Variants in SOS1 observed in about 807,000 individuals in gnomAD.
SOS1 encodes son of sevenless homolog 1.
A neutral mutation model predicts 157.6 loss-of-function variants in SOS1; 25 were observed. The observed-to-expected ratio is 0.16, with a 90% confidence interval of 0.12 to 0.22. The LOEUF (loss-of-function observed/expected upper bound fraction) is 0.22. Among genes scored for constraint, SOS1 ranks in the 10% least tolerant of loss-of-function variants. SOS1 has a pLI of 1.00. For synonymous variants in SOS1, 528 were observed against 534.0 expected, an observed-to-expected ratio of 0.99 and a Z score of 0.16; for missense variants, 1,237 against 1,599.1, an observed-to-expected ratio of 0.77 and a Z score of 3.86.
intron 11 of SOS1, among the ~76,000 whole-genome samples, chr2:39,014,501 C>G (rs1302440326): frequency 6.6e-6 from 1 of 151,986 alleles, no homozygotes; most frequent in African/African-American, 2.4e-5. Flanking sequence ...TTTCTTGACT[C>G]TATAAATTTT....
At chr2:39,104,467 G>T (rs975248256) in intron 1 of SOS1, among the ~76,000 whole-genome samples, 2 of 152,138 alleles carry the variant, frequency 1.3e-5, no homozygotes, top group African/African-American at 4.8e-5. Context: ...AGCAAGTGTG[G>T]GCAAGGAGGT....
intron 1 of SOS1, among the ~76,000 whole-genome samples, chr2:39,102,230 A>AAAAAAAAG (rs1553370166): frequency 2.0e-4 from 28 of 142,852 alleles, no homozygotes; most frequent in East Asian, 1.0e-3. Flanking sequence ...AAAAAAAAAA[A>AAAAAAAAG]GTGCCACTTT....
chr2:39,117,183 C>T (rs1185145716), intron 1 of SOS1, among the ~76,000 whole-genome samples: 3 of 152,092 alleles, frequency 2.0e-5, no homozygotes, highest in African/African-American at 4.8e-5. Flanking sequence ...TGCCCACCAC[C>T]ACGCCAGGCT....
chr2:39,056,386 C>T (rs770758391), intron 4 of SOS1, among the ~76,000 whole-genome samples: 44 of 151,826 alleles, frequency 2.9e-4, no homozygotes, highest in Non-Finnish European at 5.1e-4. Flanking sequence ...CACTGCACTC[C>T]AGCCTGGGCG....
chr2:39,038,355 A>C (rs1482393318), intron 6 of SOS1, among the ~76,000 whole-genome samples: 2 of 152,154 alleles, frequency 1.3e-5, no homozygotes, highest in Non-Finnish European at 2.9e-5. Context: ...ATAGGATTAG[A>C]AGTGGAGCCT....
chr2:39,020,234 T>C (rs573421943), intron 10 of SOS1, among the ~76,000 whole-genome samples: 3 of 151,802 alleles, frequency 2.0e-5, no homozygotes, highest in Non-Finnish European at 3.0e-5. Context: ...CTCCATTTTG[T>C]ACATTACTGT....
intron 13 of SOS1, 60 bp from the exon 14 acceptor site, chr2:39,012,408 T>A: frequency 3.8e-6 from 3 of 795,526 alleles, no homozygotes; most frequent in African/African-American, 1.8e-5. Context: ...TTTTATATTT[T>A]AAAAATGGTT....
chr2:39,013,775 C>T, intron 12 of SOS1, 92 bp downstream of exon 12: 5 of 1,086,828 alleles, frequency 4.6e-6, no homozygotes, highest in Non-Finnish European at 7.1e-6. Flanking sequence ...TTATTGTCAC[C>T]CCTCTCCTTG....
chr2:39,023,723 C>T (rs1476534901), intron 9 of SOS1: 6 of 344,050 alleles, frequency 1.7e-5, no homozygotes, highest in African/African-American at 8.6e-5. Flanking sequence ...GACAGAATAA[C>T]GATGCCAACA....
At chr2:39,071,307 G>A (rs75970263) in intron 1 of SOS1, among the ~76,000 whole-genome samples, 61 of 152,206 alleles carry the variant, frequency 4.0e-4, no homozygotes, top group African/African-American at 1.0e-3. Flanking sequence ...AGGAATCTGC[G>A]GAGTACCCTA....
At chr2:39,112,381 T>A (rs994665544) in intron 1 of SOS1, among the ~76,000 whole-genome samples, 7 of 152,200 alleles carry the variant, frequency 4.6e-5, no homozygotes, top group Non-Finnish European at 7.3e-5. Flanking sequence ...CACTGCAGCA[T>A]CAGCCTCCTG....
intron 6 of SOS1, among the ~76,000 whole-genome samples, chr2:39,036,276 T>C (rs1294811848): frequency 1.3e-5 from 2 of 152,132 alleles, no homozygotes; most frequent in Admixed American, 6.5e-5. Flanking sequence ...AGGAGCATAG[T>C]AGAAAAAGGC....
chr2:39,099,269 G>T (rs760642001), intron 1 of SOS1, among the ~76,000 whole-genome samples: 1 of 152,172 alleles, frequency 6.6e-6, no homozygotes, highest in East Asian at 1.9e-4. Context: ...CTATTTAGTC[G>T]TAGAAATGAA....
chr2:39,024,352 A>C (rs1669889392), intron 8 of SOS1, among the ~76,000 whole-genome samples: 1 of 152,194 alleles, frequency 6.6e-6, no homozygotes, highest in Non-Finnish European at 1.5e-5. Context: ...AGCAGTGTTA[A>C]GATGGGTTAT....
Position 39,120,938 on chromosome 2 carries a change from G to C in SOS1, c.-516C>G, listed in dbSNP as rs1471186989. On this transcript the variant is annotated 5_prime_UTR_variant, in exon 1 of 23. Coordinates refer to ENST00000402219, the MANE Select transcript of SOS1 (RefSeq NM_005633.4). The stretch of plus-strand genomic sequence containing the variant: ...CTCGCGGGGAAGGGGAAGGACCGGA[G>C]GTCGTTGTTGGGGAATCTGGCTGCC... 6.1e-6 allele frequency: 1 copy of C among 164,488 alleles called. No homozygotes were observed. Among genetic ancestry groups the C allele is most frequent in the Non-Finnish European group, 1.3e-5 (1 of 76,844 alleles). The allele number at this position is 164,488 out of a possible 1,614,324, so 10.2% of individuals were successfully genotyped here.
chr2:39,017,772 AG>A (rs1239904372), intron 10 of SOS1, among the ~76,000 whole-genome samples: 1 of 152,006 alleles, frequency 6.6e-6, no homozygotes, highest in Non-Finnish European at 1.5e-5. Flanking sequence ...AAGACGACAA[AG>A]TACTTATATT....
chr2:39,106,601 A>C lies in SOS1; in HGVS notation c.87+13735T>G, dbSNP rs13385812. 4.5e-4 allele frequency among the ~76,000 whole-genome samples: 18 copies of C among 39,704 alleles called. 1 individual carries two copies. Among genetic ancestry groups the C allele is most frequent in the Non-Finnish European group, 9.8e-4 (11 of 11,202 alleles). The allele number at this position is 39,704 out of a possible 152,430, so 26.0% of individuals were successfully genotyped here. On this transcript the variant is annotated intron_variant, in intron 1 of 22. Transcript: ENST00000402219. ...GCGAGACTCCGTCTCAAAAAAAAAA[A>C]CAAAAAAAAAAACAAAACATCTGAG...
intron 20 of SOS1, 125 bp from the exon 21 acceptor site, chr2:38,989,439 T>A (rs1314254401): frequency 1.4e-6 from 1 of 690,534 alleles, no homozygotes; most frequent in African/African-American, 1.8e-5. Context: ...CTGTAACAGT[T>A]TATAGTAAAA....
At chr2:39,001,002 C>CT in intron 17 of SOS1, among the ~76,000 whole-genome samples, 1 of 152,300 alleles carries the variant, frequency 6.6e-6, no homozygotes, top group South Asian at 2.1e-4. Flanking sequence ...AAAGCCAATG[C>CT]TAAAGGCTTG....
Sources: gnomAD v4.1 joint callset for allele counts (sites outside exome capture counted in the v4.1 genomes callset) on GRCh38, gnomAD v4.1.1 for gene constraint, MANE v1.5 for transcripts, NCBI Gene and HGNC (gene_info 2026-07-23, HGNC 2026-07-21) for gene names.